The following UGT1A6 variants were observed in gnomAD, a reference collection of about 807,000 sequenced individuals.
UGT1A6 encodes UDP-glucuronosyltransferase 1A6.
UGT1A6 carries 32 observed loss-of-function variants against 44.4 expected under a neutral mutation model. That is an observed-to-expected ratio of 0.72 (90% CI 0.54 to 0.97). The LOEUF (loss-of-function observed/expected upper bound fraction) is 0.97. UGT1A6 is among the 50% of genes least tolerant of loss of function. UGT1A6 has a pLI of 0.00. For synonymous variants in UGT1A6, 238 were observed against 248.5 expected (o/e 0.96, Z 0.40); for missense variants, 685 against 661.9 (o/e 1.03, Z -0.38).
Position 233,692,951 on chromosome 2 carries a change from T to C in UGT1A6, c.-54T>C. 6.2e-7 allele frequency: 1 copy of C among 1,602,764 alleles called. No homozygotes were observed. The stretch of plus-strand genomic sequence containing the variant: ...TTAGGGAAAATACCTAGGAGCCCTG[T>C]GATTTGGAGAGTGAAAACTCTTTAT... On this transcript the variant is annotated 5_prime_UTR_variant, in exon 1 of 5. Transcript: ENST00000305139.
intron 1 of UGT1A6, among the ~76,000 whole-genome samples, chr2:233,751,545 C>T (rs562388554): frequency 7.0e-4 from 106 of 152,320 alleles, no homozygotes; most frequent in Non-Finnish European, 1.4e-3. Context: ...TGTGTTTCCA[C>T]CCAAATCTCA....
chr2:233,692,797 C>G (rs925616937), upstream of UGT1A6: 2 of 1,378,304 alleles, frequency 1.5e-6, no homozygotes, highest in African/African-American at 1.5e-5. Flanking sequence ...AAAGCTGACA[C>G]GGCCATAGTT....
chr2:233,744,809 C>T (rs1203148811), intron 1 of UGT1A6, among the ~76,000 whole-genome samples: 1 of 151,860 alleles, frequency 6.6e-6, no homozygotes. Context: ...CCTAGGATTT[C>T]CTGGCTCATA....
At position 233,709,398 on chromosome 2, in the gene UGT1A6, T is replaced by C. The variant is rs1379256166; in HGVS notation, c.861+15533T>C. 2.0e-5 allele frequency among the ~76,000 whole-genome samples: 3 copies of C among 152,212 alleles called. No individual in the cohort carries two copies. In the East Asian group the frequency reaches 5.8e-4, roughly 29 times the overall value. On this transcript the variant is annotated intron_variant, in intron 1 of 4. Transcript: ENST00000305139. ...AATCTAAATTTCTTTTAATAATCTA[T>C]GGGTGAACACTCAATAAGAATGTCC...
At chr2:233,765,999 C>G (rs1036845415) in intron 1 of UGT1A6, among the ~76,000 whole-genome samples, 1 of 151,990 alleles carries the variant, frequency 6.6e-6, no homozygotes, top group Non-Finnish European at 1.5e-5. Flanking sequence ...CTCCAGTGGG[C>G]GTGGGTTATG....
At chr2:233,764,870 C>A (rs17868342) in intron 1 of UGT1A6, among the ~76,000 whole-genome samples, 19,813 of 151,898 alleles carry the variant, frequency 0.13, 1,414 homozygotes, top group East Asian at 0.2. Context: ...TAGATGAGCC[C>A]AAGGGAAAAG....
At chr2:233,748,049 C>CAA (rs1416676194) in intron 1 of UGT1A6, 1 of 1,613,268 alleles carries the variant, frequency 6.2e-7, no homozygotes, top group African/African-American at 1.3e-5. Flanking sequence ...TTGGGGGCAT[C>CAA]AACTGTGCCA....
In UGT1A6 at chr2:233,769,639, C is replaced by T; in HGVS notation, c.1301+1200C>T. 2.5e-6 allele frequency: 4 copies of T among 1,609,972 alleles called. No homozygotes were observed. The highest frequency in any genetic ancestry group is 1.3e-5 in the African/African-American group (1 of 75,022). The stretch of plus-strand genomic sequence containing the variant: ...TTGAGCAAGGGACAACAGGGGAGGA[C>T]TGATGACTGACTTCCCACCTTTGAG... On this transcript the variant is annotated intron_variant, in intron 4 of 4. Transcript: ENST00000305139. This position sits in a 1 kb window ranked among gnomAD's most constrained non-coding sequence, Gnocchi z 4.4.
intron 1 of UGT1A6, among the ~76,000 whole-genome samples, chr2:233,701,592 A>G (rs2075637577): frequency 1.3e-5 from 2 of 152,202 alleles, no homozygotes; most frequent in South Asian, 4.1e-4. Context: ...ACATAGTTGG[A>G]AGTAAAGCAC....
intron 1 of UGT1A6, among the ~76,000 whole-genome samples, chr2:233,710,084 T>C (rs2076109841): frequency 6.6e-6 from 1 of 152,220 alleles, no homozygotes. Context: ...CCTTTCACAT[T>C]GTTGCATGTA....
intron 1 of UGT1A6, chr2:233,747,287 G>A: frequency 6.2e-7 from 1 of 1,601,492 alleles, no homozygotes; most frequent in Admixed American, 1.7e-5. Context: ...GCCCAGCCCT[G>A]GGCTGAGAGT....
At chr2:233,692,866 A>G, upstream of UGT1A6, 2 of 1,480,832 alleles carry the variant, frequency 1.4e-6, no homozygotes, top group Admixed American at 2.7e-5. Context: ...CTTACATATC[A>G]AAGGGTAAAA....
rs1216500349 is a variant in UGT1A6, at chr2:233,713,387, G to A, written c.861+19522G>A. On this transcript the variant is annotated intron_variant, in intron 1 of 4. Transcript: ENST00000305139. Reference sequence around the variant, plus strand: ...TACATAGGTCTTGTGTGGAGCTACTGCATAATGAGGCCCTGATCAGGCACC... The same window carrying A: ...TACATAGGTCTTGTGTGGAGCTACTACATAATGAGGCCCTGATCAGGCACC... 5.0e-6 allele frequency: 8 copies of A among 1,614,014 alleles called. No homozygotes were observed. The Admixed American group carries it at 1.0e-4, about 20-fold the overall frequency.
At chr2:233,695,073 G>T (rs1470813496) in intron 1 of UGT1A6, among the ~76,000 whole-genome samples, 1 of 151,628 alleles carries the variant, frequency 6.6e-6, no homozygotes, top group African/African-American at 2.4e-5. Context: ...TCGCACTTTG[G>T]ACTTACTCAT....
At chr2:233,729,112 G>A (rs557523932) in intron 1 of UGT1A6, 4 of 1,612,930 alleles carry the variant, frequency 2.5e-6, no homozygotes, top group East Asian at 2.2e-5. Flanking sequence ...TCAGCTGTCC[G>A]TGTCTTCTGC....
chr2:233,746,490 T>C (rs1347659366), intron 1 of UGT1A6, among the ~76,000 whole-genome samples: 2 of 151,808 alleles, frequency 1.3e-5, no homozygotes, highest in Admixed American at 1.3e-4. Flanking sequence ...CATGGACATG[T>C]CACTCTTTAG....
intron 2 of UGT1A6, 55 bp downstream of exon 2, chr2:233,767,220 C>G (rs1167186563): frequency 6.2e-7 from 1 of 1,611,536 alleles, no homozygotes; most frequent in African/African-American, 1.3e-5. Flanking sequence ...GCGCTAATCC[C>G]AGACTTCCAG....
At chr2:233,748,787 G>A (rs988744506) in intron 1 of UGT1A6, among the ~76,000 whole-genome samples, 5 of 151,380 alleles carry the variant, frequency 3.3e-5, no homozygotes, top group Admixed American at 2.6e-4. Flanking sequence ...CTTCTACTTG[G>A]AATGCTGAAA....
At chr2:233,746,224 T>C (rs977968303) in intron 1 of UGT1A6, among the ~76,000 whole-genome samples, 14 of 151,784 alleles carry the variant, frequency 9.2e-5, no homozygotes, top group Non-Finnish European at 5.9e-5. Flanking sequence ...CAAGGACAGA[T>C]ATGCAAACTG....
Sources: allele counts gnomAD v4.1 joint callset (sites outside exome capture counted in the v4.1 genomes callset), GRCh38; gene constraint gnomAD v4.1.1; non-coding constraint Gnocchi (gnomAD v3.1); transcripts MANE v1.5; gene names NCBI Gene and HGNC (gene_info 2026-07-23, HGNC 2026-07-21).